Variants in SMOC1 observed in about 807,000 individuals in gnomAD.
SMOC1 encodes SPARC-related modular calcium-binding protein 1.
In SMOC1, 22 loss-of-function variants were observed where a neutral mutation model predicts 56.3. The observed-to-expected ratio is 0.39, with a 90% CI of 0.28 to 0.56. SMOC1 has a LOEUF of 0.56. Ranked by LOEUF, SMOC1 falls within the 20% of genes least tolerant of loss-of-function variation. SMOC1 has a pLI of 0.61. For synonymous variants in SMOC1, 193 were observed against 215.0 expected, an observed-to-expected ratio of 0.90 and a Z score of 0.89; for missense variants, 509 against 565.4, an observed-to-expected ratio of 0.90 and a Z score of 1.01.
chr14:69,933,603 C>G (rs1048513584), intron 1 of SMOC1, among the ~76,000 whole-genome samples: 1 of 149,214 alleles, frequency 6.7e-6, no homozygotes, highest in African/African-American at 2.5e-5. Context: ...GATCTCGGCT[C>G]ACTGCAACCT....
chr14:69,939,318 C>A (rs1048295188), intron 1 of SMOC1, among the ~76,000 whole-genome samples: 1 of 152,138 alleles, frequency 6.6e-6, no homozygotes, highest in Non-Finnish European at 1.5e-5. Flanking sequence ...CAGGGAACTG[C>A]CCTTTATAAA....
chr14:69,895,772 G>C (rs914593967), intron 1 of SMOC1, among the ~76,000 whole-genome samples: 1 of 151,952 alleles, frequency 6.6e-6, no homozygotes, highest in Non-Finnish European at 1.5e-5. Context: ...CCCCCATCAA[G>C]GTAGAGCCTT....
intron 3 of SMOC1, among the ~76,000 whole-genome samples, chr14:69,959,369 T>A (rs1883292474): frequency 6.6e-6 from 1 of 152,212 alleles, no homozygotes; most frequent in Non-Finnish European, 1.5e-5. Flanking sequence ...TCCATAAATG[T>A]TGAGCAACCA....
intron 1 of SMOC1, among the ~76,000 whole-genome samples, chr14:69,929,598 T>G (rs1288002153): frequency 6.6e-6 from 1 of 152,068 alleles, no homozygotes; most frequent in Non-Finnish European, 1.5e-5. Flanking sequence ...TTTAGAGACA[T>G]GTCCTGGAAG....
intron 1 of SMOC1, among the ~76,000 whole-genome samples, chr14:69,928,615 T>TGTG (rs796864253): frequency 6.7e-6 from 1 of 148,332 alleles, no homozygotes; most frequent in Non-Finnish European, 1.5e-5. Flanking sequence ...AGGTGCTCAT[T>TGTG]GGGGGGGGGG....
chr14:69,938,687 C>T (rs984731746), intron 1 of SMOC1, among the ~76,000 whole-genome samples: 2 of 152,040 alleles, frequency 1.3e-5, no homozygotes, highest in Non-Finnish European at 2.9e-5. Context: ...TGACTTCTGT[C>T]GGTGGCGTGA....
intron 3 of SMOC1, among the ~76,000 whole-genome samples, chr14:69,964,490 G>A (rs1566690828): frequency 6.6e-6 from 1 of 151,100 alleles, no homozygotes; most frequent in Non-Finnish European, 1.5e-5. Context: ...CCATTCTCCT[G>A]CCTCAGCCTC....
intron 1 of SMOC1, among the ~76,000 whole-genome samples, chr14:69,921,946 G>C (rs935225194): frequency 6.6e-6 from 1 of 152,316 alleles, no homozygotes; most frequent in South Asian, 2.1e-4. Flanking sequence ...GGCTGGCTGT[G>C]ATTTTGGGGT....
chr14:69,988,268 A>G (rs1884437687), intron 5 of SMOC1, among the ~76,000 whole-genome samples: 1 of 145,880 alleles, frequency 6.9e-6, no homozygotes, highest in Non-Finnish European at 1.5e-5. Context: ...CCTGTAAGAA[A>G]AAGGATAATC....
At chr14:69,994,623 G>A in intron 7 of SMOC1, 143 bp downstream of exon 7, 1 of 716,152 alleles carries the variant, frequency 1.4e-6, no homozygotes, top group Non-Finnish European at 2.5e-6. Flanking sequence ...TAAAGAGATT[G>A]GATAAGTTAA....
chr14:69,982,368 G>A (rs766317701), intron 5 of SMOC1, among the ~76,000 whole-genome samples: 1 of 152,202 alleles, frequency 6.6e-6, no homozygotes, highest in African/African-American at 2.4e-5. Context: ...CAAGTAAAGA[G>A]TGAGTCATAT....
chr14:69,895,352 T>G (rs990534567), intron 1 of SMOC1, among the ~76,000 whole-genome samples: 2 of 152,220 alleles, frequency 1.3e-5, no homozygotes, highest in African/African-American at 4.8e-5. Flanking sequence ...CGATTCTGTT[T>G]GAAGAAGTAA....
intron 1 of SMOC1, among the ~76,000 whole-genome samples, chr14:69,930,404 G>C (rs963251633): frequency 6.6e-6 from 1 of 152,188 alleles, no homozygotes; most frequent in African/African-American, 2.4e-5. Flanking sequence ...CTTGGCATGA[G>C]GGTGAGCAGA....
chr14:69,904,815 G>A (rs1884362602), intron 1 of SMOC1, among the ~76,000 whole-genome samples: 1 of 152,210 alleles, frequency 6.6e-6, no homozygotes, highest in South Asian at 2.1e-4. Flanking sequence ...GGGTTGTGGT[G>A]ACCAAAACAT....
chr14:69,953,027 C>T (rs568539156), intron 2 of SMOC1, among the ~76,000 whole-genome samples: 5 of 152,310 alleles, frequency 3.3e-5, no homozygotes, highest in Admixed American at 6.5e-5. Context: ...AAGCAGGCTG[C>T]GCTAGAGCCT....
chr14:69,916,586 G>C (rs78512733), intron 1 of SMOC1, among the ~76,000 whole-genome samples: 5,494 of 152,316 alleles, frequency 0.036, 131 homozygotes, highest in Admixed American at 0.066. Flanking sequence ...CCTCTTTGCT[G>C]TTCCCTGAGC....
rs146896115 is a variant in SMOC1, at chr14:69,929,895, G to A, written c.100-22243G>A. Among the ~76,000 whole-genome samples the A allele has an allele frequency of 2.0e-3, 297 of 152,270 alleles. 1 individual carries two copies. The highest frequency in any genetic ancestry group is 3.3e-3 in the Admixed American group (51 of 15,308). On this transcript the variant is annotated intron_variant, in intron 1 of 11. Transcript: ENST00000361956. ...AGGAAAAGAGAGGCCTTCTTACTCA[G>A]AAACCTCTTCCTGGTGTCTGGGCCA...
Position 69,987,327 on chromosome 14 carries a change from C to A in SMOC1, c.527-5090C>A, listed in dbSNP as rs184229670. Among the ~76,000 whole-genome samples the A allele has an allele frequency of 2.4e-3, 373 of 152,304 alleles. 1 individual carries two copies. Among genetic ancestry groups the A allele is most frequent in the Non-Finnish European group, 3.8e-3 (261 of 68,018 alleles). On this transcript the variant is annotated intron_variant, in intron 5 of 11. Transcript: ENST00000361956. ...AAGGGGACTTGGGATTGTTGACAGA[C>A]CTTCCACATCTCAGAATGGGGGAAG...
intron 1 of SMOC1, among the ~76,000 whole-genome samples, chr14:69,886,568 A>G (rs547724665): frequency 7.9e-5 from 12 of 152,342 alleles, no homozygotes; most frequent in Admixed American, 7.2e-4. Context: ...GAGAGACTCA[A>G]CATGCGAATT....
Sources: gnomAD v4.1 joint callset for allele counts (sites outside exome capture counted in the v4.1 genomes callset) on GRCh38, gnomAD v4.1.1 for gene constraint, MANE v1.5 for transcripts, NCBI Gene and HGNC (gene_info 2026-07-23, HGNC 2026-07-21) for gene names.